The following SUSD4 variants were observed in gnomAD, a reference collection of about 807,000 sequenced individuals.
SUSD4 encodes the protein sushi domain containing 4, also known as sushi domain-containing protein 4.
In SUSD4, 41 loss-of-function variants were observed where a neutral mutation model predicts 50.5. The observed-to-expected ratio is 0.81, with a 90% CI of 0.63 to 1.05. The LOEUF (loss-of-function observed/expected upper bound fraction) is 1.05. SUSD4 is among the 50% of genes least tolerant of loss of function. SUSD4 has a pLI of 0.00. For synonymous variants in SUSD4, 257 were observed against 257.3 expected, an observed-to-expected ratio of 1.00 and a Z score of 0.01; for missense variants, 580 against 634.7, an observed-to-expected ratio of 0.91 and a Z score of 0.93.
In SUSD4 at chr1:223,259,048, G is replaced by A. The variant is rs149672702; in HGVS notation, c.724+5582C>T. ...ATATTTAGAACCTAGCTCTGCCTGC[G>A]TGGAGAGTGCAATTTCAGGAATAGC... On this transcript the variant is annotated intron_variant, in intron 5 of 8. Transcript: ENST00000366878. Among the ~76,000 whole-genome samples, 51 of 152,242 alleles carry A rather than the reference G, an allele frequency of 3.3e-4. 1 individual carries two copies. In the South Asian group the frequency reaches 8.3e-3, roughly 25 times the overall value.
At chr1:223,264,288 TTAA>T (rs1662324619) in intron 5 of SUSD4, 1 of 1,020,294 alleles carries the variant, frequency 9.8e-7, no homozygotes, top group Non-Finnish European at 1.2e-6. Context: ...AGGGGTAAGA[TTAA>T]TGACATGATA....
At chr1:223,363,192 G>A in intron 2 of SUSD4, 86 bp downstream of exon 2, 1 of 1,350,528 alleles carries the variant, frequency 7.4e-7, no homozygotes, top group East Asian at 2.7e-5. Flanking sequence ...GTGTATGGGG[G>A]AGGGGTGCAG....
At chr1:223,361,628 C>T (rs1216846179) in intron 2 of SUSD4, among the ~76,000 whole-genome samples, 1 of 152,026 alleles carries the variant, frequency 6.6e-6, no homozygotes. Context: ...ACCAAGAGCA[C>T]AAAACAAATC....
chr1:223,276,921 C>T (rs546582444), intron 3 of SUSD4, among the ~76,000 whole-genome samples: 1 of 151,956 alleles, frequency 6.6e-6, no homozygotes. Flanking sequence ...AAAAAAATCC[C>T]AAATAAAATA....
At chr1:223,247,544 T>C (rs1443939358) in intron 5 of SUSD4, among the ~76,000 whole-genome samples, 1 of 152,234 alleles carries the variant, frequency 6.6e-6, no homozygotes, top group East Asian at 1.9e-4. Flanking sequence ...GTCTACCATA[T>C]ACAGTTGGTA....
chr1:223,352,672 C>A (rs184127283), intron 2 of SUSD4, among the ~76,000 whole-genome samples: 1 of 152,116 alleles, frequency 6.6e-6, no homozygotes, highest in Non-Finnish European at 1.5e-5. Context: ...CCACAGACAC[C>A]CAGAAGCAGC....
intron 5 of SUSD4, among the ~76,000 whole-genome samples, chr1:223,259,234 T>C (rs139777473): frequency 2.2e-4 from 34 of 152,346 alleles, no homozygotes; most frequent in African/African-American, 7.2e-4. Flanking sequence ...CATATGACAC[T>C]GATTTTGGTT....
intron 3 of SUSD4, among the ~76,000 whole-genome samples, chr1:223,288,625 A>G (rs1571982289): frequency 6.6e-6 from 1 of 152,312 alleles, no homozygotes; most frequent in East Asian, 1.9e-4. Flanking sequence ...AGCCAATGCC[A>G]TAAGAGCTGA....
At chr1:223,364,367 A>C (rs1242230618), upstream of SUSD4, among the ~76,000 whole-genome samples, 1 of 26,844 alleles carries the variant, frequency 3.7e-5, no homozygotes, top group African/African-American at 1.4e-4. The surrounding 1 kb of genome is among the most constrained non-coding windows in gnomAD (Gnocchi z 4.5). Flanking sequence ...GGACGGGGTG[A>C]GTGGGGGGGC....
At chr1:223,251,803 T>C (rs1054878432) in intron 5 of SUSD4, among the ~76,000 whole-genome samples, 2 of 152,072 alleles carry the variant, frequency 1.3e-5, no homozygotes, top group African/African-American at 4.8e-5. Context: ...GTATTTCTAG[T>C]TCTAGGTCCC....
At chr1:223,290,428 A>G (rs1353598818) in intron 3 of SUSD4, among the ~76,000 whole-genome samples, 1 of 152,250 alleles carries the variant, frequency 6.6e-6, no homozygotes, top group Non-Finnish European at 1.5e-5. Context: ...TCAAAGACCA[A>G]CAAAATTACC....
In SUSD4 at chr1:223,363,294, A is replaced by C; in HGVS notation, c.132T>G (p.Pro44=). The C allele has an allele frequency of 1.9e-6, 3 of 1,606,758 alleles. No homozygotes were observed. Among genetic ancestry groups the C allele is most frequent in the Non-Finnish European group, 1.7e-6 (2 of 1,176,808 alleles). ...GTCACTCACCGCCCGTGAGCTGTGC[A>C]GGGCCGAAGCACAGCGCCAGCTGAA... ...LWFQLALCFG[P]AQLTGGFDDL... is the part of the protein sequence containing the mutation. The change falls in exon 2 of 9, where the codon CCT becomes CCG. Residue 44 remains proline, a synonymous_variant. Transcript: ENST00000366878.
At chr1:223,323,754 C>T (rs555792534) in intron 2 of SUSD4, among the ~76,000 whole-genome samples, 1 of 152,242 alleles carries the variant, frequency 6.6e-6, no homozygotes, top group Non-Finnish European at 1.5e-5. Context: ...AGGGCAAGGA[C>T]TCAGGAGAAG....
intron 2 of SUSD4, among the ~76,000 whole-genome samples, chr1:223,328,515 C>T (rs1044379501): frequency 1.3e-5 from 2 of 152,210 alleles, no homozygotes; most frequent in African/African-American, 4.8e-5. Flanking sequence ...TTCTCCCTGT[C>T]AAAAGGTACC....
chr1:223,355,364 G>A (rs184655858), intron 2 of SUSD4, among the ~76,000 whole-genome samples: 2 of 151,740 alleles, frequency 1.3e-5, no homozygotes, highest in East Asian at 1.9e-4. Flanking sequence ...ATGAGCCACC[G>A]TGCCCGGCCA....
chr1:223,284,493 G>A (rs952151089), intron 3 of SUSD4, among the ~76,000 whole-genome samples: 1 of 152,174 alleles, frequency 6.6e-6, no homozygotes, highest in Non-Finnish European at 1.5e-5. Context: ...GTAAAATAAG[G>A]CTGTAGAACC....
In SUSD4 at chr1:223,264,742, A is replaced by G. The variant is rs1007142705; in HGVS notation, c.612T>C (p.Thr204=). The change falls in exon 5 of 9, where the codon ACT becomes ACC. Residue 204 remains threonine (T), a synonymous_variant. Coordinates refer to ENST00000366878, the MANE Select transcript of SUSD4 (RefSeq NM_017982.4). ...CGGGAAAGCAGCGATAGGAGATCAC[A>G]GTCCCCACCGGGAAGGAGGTCTGGA... is the stretch of plus-strand genomic sequence containing the variant. ...SELQTSFPVG[T]VISYRCFPGF... The G allele has an allele frequency of 1.2e-6, 2 of 1,614,128 alleles. No homozygotes were observed. The highest frequency in any genetic ancestry group is 2.7e-5 in the African/African-American group (2 of 74,946).
At chr1:223,263,182 C>T (rs1204943464) in intron 5 of SUSD4, among the ~76,000 whole-genome samples, 1 of 152,136 alleles carries the variant, frequency 6.6e-6, no homozygotes. Flanking sequence ...TAGGGAGAAG[C>T]CTCCAGAACT....
chr1:223,228,187 G>C (rs1405888554), intron 6 of SUSD4, among the ~76,000 whole-genome samples: 1 of 152,194 alleles, frequency 6.6e-6, no homozygotes, highest in African/African-American at 2.4e-5. Flanking sequence ...GGGGACCCCT[G>C]TTCCACAGCT....
Sources: allele counts gnomAD v4.1 joint callset (sites outside exome capture counted in the v4.1 genomes callset), GRCh38; gene constraint gnomAD v4.1.1; non-coding constraint Gnocchi (gnomAD v3.1); transcripts MANE v1.5; gene names NCBI Gene and HGNC (gene_info 2026-07-23, HGNC 2026-07-21).